GPD2: variants seen among roughly 807,000 people sequenced by gnomAD.
GPD2 encodes the protein glycerol-3-phosphate dehydrogenase, mitochondrial.
In GPD2, 54 loss-of-function variants were observed where a neutral mutation model predicts 82.4. That is an observed-to-expected ratio of 0.66 (90% CI 0.53 to 0.82). The LOEUF is 0.82. GPD2 is among the 40% of genes least tolerant of loss of function. The pLI is 0.00. For missense variants in GPD2, 748 were observed against 896.2 expected, an observed-to-expected ratio of 0.83 and a Z score of 2.11; for synonymous variants, 288 against 306.1, an observed-to-expected ratio of 0.94 and a Z score of 0.62.
At chr2:156,500,793 T>A (rs1432686749) in intron 3 of GPD2, among the ~76,000 whole-genome samples, 1 of 152,222 alleles carries the variant, frequency 6.6e-6, no homozygotes, top group Admixed American at 6.6e-5. Context: ...TGCATTCTTA[T>A]CATCTGCATT....
At chr2:156,417,671 G>A in the GPD2 span, among the ~76,000 whole-genome samples, 5 of 151,688 alleles carry the variant, frequency 3.3e-5, no homozygotes, top group Admixed American at 3.3e-4. Context: ...ATAATTCCAT[G>A]GGTAATTCAT....
the GPD2 span, among the ~76,000 whole-genome samples, chr2:156,409,604 G>A: frequency 6.6e-6 from 1 of 152,156 alleles, no homozygotes; most frequent in East Asian, 1.9e-4. Context: ...GGAGGCTGAG[G>A]TGGGAGGATC....
chr2:156,401,921 G>A, the GPD2 span, among the ~76,000 whole-genome samples: 4 of 152,240 alleles, frequency 2.6e-5, no homozygotes, highest in Middle Eastern at 3.4e-3. Context: ...GAGATAAAAG[G>A]CTGTGGATAT....
the GPD2 span, among the ~76,000 whole-genome samples, chr2:156,408,263 T>C: frequency 6.6e-6 from 1 of 152,234 alleles, no homozygotes; most frequent in East Asian, 1.9e-4. Context: ...CCAAAAGTAG[T>C]GTTCTAAATT....
intron 6 of GPD2, among the ~76,000 whole-genome samples, chr2:156,545,890 C>T (rs183867997): frequency 1.2e-4 from 18 of 152,288 alleles, no homozygotes; most frequent in African/African-American, 4.3e-4. Context: ...ATCTTTTAGA[C>T]AGTTACATTC....
In GPD2 at chr2:156,517,944, C is replaced by T. The variant is rs1481272402; in HGVS notation, c.661+4448C>T. On this transcript the variant is annotated intron_variant, in intron 6 of 16. Coordinates refer to ENST00000438166, the MANE Select transcript of GPD2 (RefSeq NM_000408.5). Reference sequence around the variant, plus strand: ...ACAAAATTACAGCTTTAAATTCTTCCTTTCTGAGAGTCAAGACATTGACAG... The same window carrying T: ...ACAAAATTACAGCTTTAAATTCTTCTTTTCTGAGAGTCAAGACATTGACAG... 2.0e-5 allele frequency among the ~76,000 whole-genome samples: 3 copies of T among 152,162 alleles called. No individual in the cohort carries two copies. In the East Asian group the frequency reaches 5.8e-4, roughly 29 times the overall value.
At chr2:156,411,980 T>C in the GPD2 span, among the ~76,000 whole-genome samples, 8 of 152,290 alleles carry the variant, frequency 5.3e-5, no homozygotes, top group East Asian at 1.5e-3. Flanking sequence ...CAGTTTACCA[T>C]CCGGAGCAAA....
At chr2:156,549,410 A>C (rs926415147) in intron 6 of GPD2, among the ~76,000 whole-genome samples, 198 bp from the exon 7 acceptor site, 1 of 152,210 alleles carries the variant, frequency 6.6e-6, no homozygotes, top group Non-Finnish European at 1.5e-5. Context: ...CACGAAATGC[A>C]CTTGCTGAAG....
chr2:156,445,739 T>TTACCTTTTTCTACACAA (rs1256984797), intron 1 of GPD2, among the ~76,000 whole-genome samples: 1 of 152,206 alleles, frequency 6.6e-6, no homozygotes, highest in African/African-American at 2.4e-5. Context: ...GAGAGTTATC[T>TTACCTTTTTCTACACAA]TACCTTTTTC....
intron 4 of GPD2, among the ~76,000 whole-genome samples, chr2:156,511,351 T>C (rs1684991308): frequency 6.6e-6 from 1 of 152,212 alleles, no homozygotes; most frequent in South Asian, 2.1e-4. Context: ...GAAAAGATGA[T>C]CTGAGTCATG....
chr2:156,558,150 G>A (rs1687030788), intron 9 of GPD2, among the ~76,000 whole-genome samples: 1 of 152,160 alleles, frequency 6.6e-6, no homozygotes, highest in Non-Finnish European at 1.5e-5. Flanking sequence ...TTTCCTTGGT[G>A]ATTTATATAG....
chr2:156,447,143 T>C (rs925300717), intron 1 of GPD2, among the ~76,000 whole-genome samples: 1 of 152,218 alleles, frequency 6.6e-6, no homozygotes, highest in South Asian at 2.1e-4. Flanking sequence ...GATTCTCCCA[T>C]TACAAAAACA....
chr2:156,422,752 CA>C, the GPD2 span, among the ~76,000 whole-genome samples: 3 of 149,780 alleles, frequency 2.0e-5, no homozygotes, highest in Non-Finnish European at 4.5e-5. Flanking sequence ...AACAAACAAA[CA>C]AAAAAAAACT....
the GPD2 span, among the ~76,000 whole-genome samples, chr2:156,404,686 CAAAAAA>C: frequency 3.1e-5 from 2 of 64,376 alleles, no homozygotes; most frequent in South Asian, 7.2e-4. Context: ...TTAAAAATAC[CAAAAAA>C]AAAAAAAAAA....
the GPD2 span, among the ~76,000 whole-genome samples, chr2:156,409,269 C>T: frequency 2.0e-5 from 3 of 152,204 alleles, no homozygotes; most frequent in Non-Finnish European, 4.4e-5. Flanking sequence ...AGAAGTAACT[C>T]AGCAGTTAGG....
chr2:156,425,751 C>A, the GPD2 span, among the ~76,000 whole-genome samples: 1 of 152,166 alleles, frequency 6.6e-6, no homozygotes, highest in Non-Finnish European at 1.5e-5. Context: ...CCCCACCACT[C>A]CTTATTTGTT....
Position 156,549,744 on chromosome 2 carries a change from C to G in GPD2, c.798C>G (p.Ser266Arg). ...TDPQTGKVRVSGARCKDVLTG... is the reference protein window; with the variant it reads ...TDPQTGKVRVRGARCKDVLTG... The stretch of plus-strand genomic sequence containing the variant: ...CCCAGACAGGGAAAGTGCGTGTGAG[C>G]GGCGCACGGTGCAAGGATGTCCTCA... The change falls in exon 7 of 17, where the codon AGC becomes AGG. Residue 266 changes from serine (S) to arginine (R), a missense_variant. By Grantham distance (110) the Ser-to-Arg change is moderately radical. Around this residue, in one of 3 missense-constraint regions of GPD2, gnomAD observed 692 missense variants for 809.7 expected, o/e 0.85. Transcript: ENST00000438166. 1 of 1,613,768 alleles carries G rather than the reference C, an allele frequency of 6.2e-7. No individual in the cohort carries two copies. The highest frequency in any genetic ancestry group is 1.3e-5 in the African/African-American group (1 of 75,054).
intron 2 of GPD2, 54 bp from the exon 3 acceptor site, chr2:156,495,990 T>C: frequency 7.4e-7 from 1 of 1,356,656 alleles, no homozygotes; most frequent in Non-Finnish European, 1.1e-6. Flanking sequence ...ATTGTAAAAT[T>C]TGTTAAATTG....
At chr2:156,480,999 G>T (rs1558919744) in intron 2 of GPD2, among the ~76,000 whole-genome samples, 1 of 151,784 alleles carries the variant, frequency 6.6e-6, no homozygotes, top group Non-Finnish European at 1.5e-5. Context: ...AATCAGGGAA[G>T]TAAGAAATTC....
Sources: gnomAD v4.1 joint callset for allele counts (sites outside exome capture counted in the v4.1 genomes callset) on GRCh38, gnomAD v4.1.1 for gene constraint, gnomAD v4.1.1 regional missense constraint, MANE v1.5 for transcripts, NCBI Gene and HGNC (gene_info 2026-07-23, HGNC 2026-07-21) for gene names.